The following NEB variants were observed in gnomAD, a reference collection of about 807,000 sequenced individuals.
NEB encodes nemaline myopathy type 2.
A neutral mutation model predicts 952.2 loss-of-function variants in NEB; 512 were observed. That is an observed-to-expected ratio of 0.54 (90% CI 0.50 to 0.58). The LOEUF is 0.58. Among genes scored for constraint, NEB ranks in the 20% least tolerant of loss-of-function variants. NEB has a pLI of 0.00. For synonymous variants in NEB, 2,900 were observed against 3,149.8 expected (o/e 0.92, Z 2.66); for missense variants, 8,428 against 9,231.1 (o/e 0.91, Z 3.56).
At chr2:151,625,462 C>T in intron 71 of NEB, 72 bp downstream of exon 71, 10 of 1,198,506 alleles carry the variant, frequency 8.3e-6, no homozygotes, top group South Asian at 1.7e-5. Flanking sequence ...GGATTAATTT[C>T]ATAATTCTCA....
At chr2:151,662,476 A>C (rs1350249884) in intron 45 of NEB, 135 bp from the exon 46 acceptor site, 2 of 700,724 alleles carry the variant, frequency 2.9e-6, no homozygotes, top group Non-Finnish European at 4.4e-6. Context: ...ATTTGCTTGA[A>C]TATTGGTATT....
rs954711681 is a variant in NEB, at chr2:151,556,894, G to C, written c.19315-1850C>G. ...GTGTAGAGGGAAATTTATAGCACTA[G>C]ATGCCCACAAGAGAAAGCAGGAAAG... is the stretch of plus-strand genomic sequence containing the variant. On this transcript the variant is annotated intron_variant, in intron 124 of 181. Coordinates refer to ENST00000397345, the MANE Select transcript of NEB (RefSeq NM_001164508.2). Among the ~76,000 whole-genome samples, 7 of 152,000 alleles carry C rather than the reference G, an allele frequency of 4.6e-5. No individual in the cohort carries two copies. In the East Asian group the frequency reaches 1.2e-3, roughly 25 times the overall value.
In NEB at chr2:151,562,100, G is replaced by C. The variant is rs772798498; in HGVS notation, c.18996+10C>G. The C allele has an allele frequency of 6.2e-7, 1 of 1,606,364 alleles. No homozygotes were observed. The highest frequency in any genetic ancestry group is 2.2e-5 in the East Asian group (1 of 44,842). On this transcript the variant is annotated intron_variant, in intron 121 of 181. Coordinates refer to ENST00000397345, the MANE Select transcript of NEB (RefSeq NM_001164508.2). ...CATGGAGAACCAGTCCTTCTAGGAA[G>C]GTGGCTCACCTGACTCTGAAGGTCG...
rs373133009 is a variant in NEB, at chr2:151,723,457, G to A, written c.642C>T (p.Asp214=). Residue 214 remains aspartate, a synonymous_variant, in exon 9 of 182, where the codon GAC becomes GAT. Coordinates refer to ENST00000397345, the MANE Select transcript of NEB (RefSeq NM_001164508.2). ...CATTATAGGGGTAAAACAAACTTTT[G>A]TCTGCTTCCCAGTCTTCAGTGTACA... ...KKLYTEDWEA[D]KSLFYPYNDS... The A allele has an allele frequency of 3.7e-6, 6 of 1,609,030 alleles. No homozygotes were observed. In the African/African-American group the frequency reaches 4.0e-5, roughly 11 times the overall value.
Position 151,531,308 on chromosome 2 carries a change from CTTTTTTTTTTTTTT to C in NEB, c.21523-221_21523-208del, listed in dbSNP as rs1159075000. On this transcript the variant is annotated intron_variant, in intron 144 of 181. Coordinates refer to ENST00000397345, the MANE Select transcript of NEB (RefSeq NM_001164508.2). The stretch of plus-strand genomic sequence containing the variant: ...TCACAACAACTCTCTTTTTTTCTTT[CTTTTTTTTTTTTTT>C]TTTTTTTTTTTTGAGACAGAGTCTC... Among the ~76,000 whole-genome samples, 7 of 84,030 alleles carry C rather than the reference CTTTTTTTTTTTTTT, an allele frequency of 8.3e-5. No homozygotes were observed. In the East Asian group the frequency reaches 2.7e-3, roughly 32 times the overall value. 55.1% of individuals were successfully genotyped at this position (84,030 alleles called of 152,430 possible).
At chr2:151,495,125 A>G (rs1332609615) in intron 173 of NEB, 1 of 152,238 alleles carries the variant, frequency 6.6e-6, no homozygotes, top group Non-Finnish European at 1.5e-5. Flanking sequence ...ATCATTAAGG[A>G]ATAAGGTTTT....
Position 151,681,322 on chromosome 2 carries a change from G to T in NEB, c.2944-494C>A, listed in dbSNP as rs114807972. ...CAGCTAGGAATTATTAAGAGAGACA[G>T]GACTTTTGCTCTGCAAGTCTTAATG... On this transcript the variant is annotated intron_variant, in intron 29 of 181. Transcript: ENST00000397345. Among the ~76,000 whole-genome samples the T allele has an allele frequency of 3.5e-3, 539 of 152,324 alleles. 3 individuals carry two copies. Among genetic ancestry groups the T allele is most frequent in the African/African-American group, 0.012 (509 of 41,564 alleles).
intron 166 of NEB, 27 bp from the exon 167 acceptor site, chr2:151,502,912 G>A (rs1283725002): frequency 7.1e-7 from 1 of 1,400,158 alleles, no homozygotes; most frequent in Non-Finnish European, 1.0e-6. Flanking sequence ...AGTACCCAGA[G>A]GACATTTAAA....
At chr2:151,503,584 C>A in intron 165 of NEB, 143 bp from the exon 166 acceptor site, 1 of 552,092 alleles carries the variant, frequency 1.8e-6, no homozygotes, top group South Asian at 2.8e-5. Flanking sequence ...GGGGAAAATT[C>A]CATGAATATT....
intron 35 of NEB, among the ~76,000 whole-genome samples, chr2:151,674,794 T>C (rs2099346163): frequency 6.6e-6 from 1 of 152,118 alleles, no homozygotes; most frequent in African/African-American, 2.4e-5. Flanking sequence ...TTGACACATA[T>C]TGAAGAGAGG....
At chr2:151,657,621 A>G (rs1415824203) in intron 48 of NEB, among the ~76,000 whole-genome samples, 3 of 152,204 alleles carry the variant, frequency 2.0e-5, no homozygotes, top group Non-Finnish European at 4.4e-5. Context: ...CATACATGAG[A>G]CATCCTGTTA....
At chr2:151,551,681 C>G in intron 129 of NEB, 57 bp downstream of exon 129, 1 of 1,370,128 alleles carries the variant, frequency 7.3e-7, no homozygotes, top group East Asian at 2.3e-5. Flanking sequence ...CAGCTTGCTT[C>G]CACAGAGGCT....
intron 52 of NEB, among the ~76,000 whole-genome samples, chr2:151,651,194 A>G (rs2099025168): frequency 6.6e-6 from 1 of 152,240 alleles, no homozygotes; most frequent in Non-Finnish European, 1.5e-5. Context: ...CCTTGTTTAC[A>G]TGGAAGCTTC....
intron 167 of NEB, among the ~76,000 whole-genome samples, chr2:151,501,862 G>A (rs2064883920): frequency 6.6e-6 from 1 of 152,018 alleles, no homozygotes; most frequent in African/African-American, 2.4e-5. Context: ...AGGTTTGGGG[G>A]AACAAAATAA....
intron 119 of NEB, 114 bp downstream of exon 119, chr2:151,563,492 C>A: frequency 2.3e-6 from 2 of 879,116 alleles, no homozygotes; most frequent in South Asian, 1.5e-5. Context: ...CAGGAAGGAC[C>A]CTACGCTACT....
intron 135 of NEB, among the ~76,000 whole-genome samples, chr2:151,542,412 C>T (rs2094184548): frequency 6.6e-6 from 1 of 152,152 alleles, no homozygotes. Flanking sequence ...AAGTTTTCTA[C>T]AACTTTCTGA....
At chr2:151,544,627 G>A (rs1356178071) in intron 135 of NEB, among the ~76,000 whole-genome samples, 1 of 152,206 alleles carries the variant, frequency 6.6e-6, no homozygotes, top group Non-Finnish European at 1.5e-5. Flanking sequence ...GAAGCTTTTA[G>A]GAAAGCAAAT....
intron 40 of NEB, 76 bp from the exon 41 acceptor site, chr2:151,666,477 A>C (rs2099218494): frequency 3.5e-6 from 5 of 1,409,960 alleles, no homozygotes; most frequent in Non-Finnish European, 4.8e-6. Flanking sequence ...ACAACAAATT[A>C]AGCAAAAGCC....
At chr2:151,659,021 A>C in intron 47 of NEB, 44 bp downstream of exon 47, 1 of 1,334,680 alleles carries the variant, frequency 7.5e-7, no homozygotes, top group Non-Finnish European at 1.1e-6. Context: ...TACTGGTTCA[A>C]ATCTGCTGGA....
Sources: gnomAD v4.1 joint callset for allele counts (sites outside exome capture counted in the v4.1 genomes callset) on GRCh38, gnomAD v4.1.1 for gene constraint, MANE v1.5 for transcripts, NCBI Gene and HGNC (gene_info 2026-07-23, HGNC 2026-07-21) for gene names.